The following ZBTB20 variants were observed in gnomAD, a reference collection of about 807,000 sequenced individuals.
The protein encoded by ZBTB20 is zinc finger and BTB domain containing 20.
A neutral mutation model predicts 56.9 loss-of-function variants in ZBTB20; 9 were observed. The observed-to-expected ratio is 0.16, with a 90% CI of 0.10 to 0.28. The LOEUF is 0.28. ZBTB20 is among the 10% of genes least tolerant of loss of function. The probability of loss-of-function intolerance (pLI) is 1.00; values close to 1 mark genes in which losing one functional copy is unlikely to be tolerated. For synonymous variants in ZBTB20, 417 were observed against 420.7 expected, an observed-to-expected ratio of 0.99 and a Z score of 0.11; for missense variants, 655 against 1,003.0, an observed-to-expected ratio of 0.65 and a Z score of 4.69.
At position 114,439,782 on chromosome 3, in the gene ZBTB20, A is replaced by G. The variant is rs184827902; in HGVS notation, c.-254-50677T>C. ...TCTATACATCTTTGTCCCATTAAAG[A>G]AAAATATCTAATATAGAGAACCAGT... On this transcript the variant is annotated intron_variant, in intron 7 of 11. Transcript: ENST00000675478. Among the ~76,000 whole-genome samples, 456 of 152,322 alleles carry G rather than the reference A, an allele frequency of 3.0e-3. 3 individuals carry two copies. The highest frequency in any genetic ancestry group is 0.011 in the African/African-American group (438 of 41,582).
chr3:114,805,501 T>TATAAC (rs3086014), intron 4 of ZBTB20, among the ~76,000 whole-genome samples: 105,387 of 151,144 alleles, frequency 0.7, 41,026 homozygotes, highest in East Asian at 0.96. Flanking sequence ...GTGCCCTTCT[T>TATAAC]ATAACATCAA....
chr3:114,523,823 A>C (rs2046910601), intron 6 of ZBTB20, among the ~76,000 whole-genome samples: 1 of 152,170 alleles, frequency 6.6e-6, no homozygotes, highest in Admixed American at 6.5e-5. Context: ...AATTTGAGAG[A>C]GGGAAAAATA....
intron 7 of ZBTB20, among the ~76,000 whole-genome samples, chr3:114,440,392 T>C (rs1015177275): frequency 6.6e-6 from 1 of 152,178 alleles, no homozygotes; most frequent in Admixed American, 6.6e-5. Flanking sequence ...GATACCACTA[T>C]GGAATTGGGT....
chr3:115,045,953 TA>T (rs1038800648), intron 2 of ZBTB20, among the ~76,000 whole-genome samples: 8 of 152,218 alleles, frequency 5.3e-5, no homozygotes, highest in African/African-American at 1.4e-4. Context: ...TGCCATTGTT[TA>T]CAATCTTTCA....
rs980584489 is a variant in ZBTB20 at position 115,028,387 on chromosome 3, A to G, written c.-507+42832T>C. ...GCATCAGATTTATAGAACTTACTAT[A>G]AAAAACTCTAAAATATCTCATTAAC... On this transcript the variant is annotated intron_variant, in intron 2 of 11. Coordinates refer to ENST00000675478, the MANE Select transcript of ZBTB20 (RefSeq NM_001348800.3). Among the ~76,000 whole-genome samples the G allele has an allele frequency of 2.0e-4, 30 of 150,818 alleles. 1 individual carries two copies. Among genetic ancestry groups the G allele is most frequent in the African/African-American group, 4.8e-5 (2 of 41,306 alleles).
At chr3:115,014,873 C>T (rs1365660899) in intron 2 of ZBTB20, among the ~76,000 whole-genome samples, 2 of 151,732 alleles carry the variant, frequency 1.3e-5, no homozygotes, top group Non-Finnish European at 2.9e-5. Flanking sequence ...CAAGACAATA[C>T]AAAAGACAAC....
intron 6 of ZBTB20, among the ~76,000 whole-genome samples, chr3:114,506,887 C>G (rs1490375023): frequency 6.6e-6 from 1 of 152,160 alleles, no homozygotes; most frequent in Non-Finnish European, 1.5e-5. Flanking sequence ...TGAACATGGC[C>G]TGGGACATCT....
intron 6 of ZBTB20, among the ~76,000 whole-genome samples, chr3:114,513,423 C>A (rs970531989): frequency 2.0e-5 from 3 of 152,066 alleles, no homozygotes; most frequent in Non-Finnish European, 4.4e-5. Flanking sequence ...TAAAGTAAAA[C>A]CAAATTATCG....
intron 7 of ZBTB20, among the ~76,000 whole-genome samples, chr3:114,432,921 G>A (rs1030978851): frequency 1.3e-5 from 2 of 152,054 alleles, no homozygotes; most frequent in Non-Finnish European, 2.9e-5. Flanking sequence ...CAGATCATAC[G>A]AACCTAACCT....
intron 4 of ZBTB20, among the ~76,000 whole-genome samples, chr3:114,825,488 T>C (rs1323806765): frequency 6.6e-6 from 1 of 151,752 alleles, no homozygotes; most frequent in Non-Finnish European, 1.5e-5. Context: ...CAGAAGGGGG[T>C]TCCACTTCCT....
In ZBTB20 at chr3:114,551,215, G is replaced by A. The variant is rs142020951; in HGVS notation, c.-294-50824C>T. 2.6e-3 allele frequency among the ~76,000 whole-genome samples: 398 copies of A among 152,204 alleles called. 3 individuals carry two copies. The highest frequency in any genetic ancestry group is 9.1e-3 in the African/African-American group (376 of 41,518). The stretch of plus-strand genomic sequence containing the variant: ...GATGCATTTATCAGTCTATCATTCT[G>A]TAAATAGTATGGAAAATTCTGGAAA... On this transcript the variant is annotated intron_variant, in intron 6 of 11. Transcript: ENST00000675478.
chr3:115,146,239 A>G (rs2084965103), intron 1 of ZBTB20, among the ~76,000 whole-genome samples: 3 of 152,118 alleles, frequency 2.0e-5, no homozygotes, highest in African/African-American at 7.2e-5. Context: ...GCTGTACGCC[A>G]TATTGTGTTT....
intron 7 of ZBTB20, among the ~76,000 whole-genome samples, chr3:114,439,236 T>C (rs1448189798): frequency 1.3e-5 from 2 of 152,090 alleles, no homozygotes; most frequent in Non-Finnish European, 2.9e-5. Context: ...CTGAGTCCCC[T>C]GGATGAAAGT....
chr3:114,868,291 A>G (rs965842237), intron 4 of ZBTB20, among the ~76,000 whole-genome samples: 2 of 152,174 alleles, frequency 1.3e-5, no homozygotes, highest in African/African-American at 4.8e-5. Context: ...GCAACTGACA[A>G]TAAGACCTGC....
chr3:115,068,193 A>C (rs887947495), intron 2 of ZBTB20, among the ~76,000 whole-genome samples: 1 of 151,616 alleles, frequency 6.6e-6, no homozygotes, highest in Non-Finnish European at 1.5e-5. Flanking sequence ...CTGAATACCT[A>C]ACCCATTATA....
At chr3:115,128,273 T>C (rs758414287) in intron 1 of ZBTB20, among the ~76,000 whole-genome samples, 2 of 152,226 alleles carry the variant, frequency 1.3e-5, no homozygotes, top group African/African-American at 4.8e-5. Context: ...TTTGATTTAT[T>C]ACAATGGATT....
intron 7 of ZBTB20, among the ~76,000 whole-genome samples, chr3:114,461,242 T>A (rs1309653033): frequency 6.7e-6 from 1 of 150,240 alleles, no homozygotes; most frequent in Non-Finnish European, 1.5e-5. Context: ...TTAACAGAGG[T>A]CAGAAAAAAG....
At chr3:114,485,708 TGCCC>T (rs1335906453) in intron 7 of ZBTB20, among the ~76,000 whole-genome samples, 1 of 152,168 alleles carries the variant, frequency 6.6e-6, no homozygotes, top group African/African-American at 2.4e-5. Context: ...AATGGATTTG[TGCCC>T]TTATATAAAA....
chr3:114,666,441 G>A (rs368825866), intron 6 of ZBTB20, among the ~76,000 whole-genome samples: 14 of 151,902 alleles, frequency 9.2e-5, no homozygotes, highest in African/African-American at 3.4e-4. Context: ...AATTCACCTG[G>A]CAACAAAGGA....
Sources: allele counts gnomAD v4.1 joint callset (sites outside exome capture counted in the v4.1 genomes callset), GRCh38; gene constraint gnomAD v4.1.1; transcripts MANE v1.5; gene names NCBI Gene and HGNC (gene_info 2026-07-23, HGNC 2026-07-21).